Variants in LARGE1 observed in about 807,000 individuals in gnomAD.
The protein encoded by LARGE1 is xylosyl- and glucuronyltransferase LARGE1.
A neutral mutation model predicts 87.6 loss-of-function variants in LARGE1; 43 were observed. The observed-to-expected ratio is 0.49, with a 90% confidence interval of 0.38 to 0.63. LARGE1 has a LOEUF of 0.63. Among genes scored for constraint, LARGE1 ranks in the 30% least tolerant of loss-of-function variants. The pLI, the probability that LARGE1 is intolerant of heterozygous loss-of-function variation, is 0.00. For missense variants in LARGE1, 802 were observed against 1,000.2 expected (o/e 0.80, Z 2.67); for synonymous variants, 434 against 394.6 (o/e 1.10, Z -1.18).
At position 33,411,060 on chromosome 22, in the gene LARGE1, A is replaced by T. The variant is rs367801422; in HGVS notation, c.892+21101T>A. On this transcript the variant is annotated intron_variant, in intron 7 of 14. Transcript: ENST00000397394. ...TCCTTCCTTCTTTCCCTTCTACTGC[A>T]CACTGAACCATACAGGTGTCTGGAT... Among the ~76,000 whole-genome samples, 55 of 152,286 alleles carry T rather than the reference A, an allele frequency of 3.6e-4. 1 individual carries two copies. The South Asian group carries it at 0.011, about 30-fold the overall frequency.
At chr22:33,417,966 G>T (rs2066561099) in intron 7 of LARGE1, among the ~76,000 whole-genome samples, 1 of 150,526 alleles carries the variant, frequency 6.6e-6, no homozygotes, top group South Asian at 2.1e-4. Flanking sequence ...TCTTTTTTTT[G>T]AGACAGAGTC....
At chr22:33,724,443 G>A (rs1293502047) in intron 2 of LARGE1, among the ~76,000 whole-genome samples, 2 of 152,118 alleles carry the variant, frequency 1.3e-5, no homozygotes, top group African/African-American at 4.8e-5. Context: ...AGGTGGAAGT[G>A]GGAATCCCTG....
chr22:33,379,826 C>T (rs1032877432), intron 9 of LARGE1, among the ~76,000 whole-genome samples: 2 of 152,166 alleles, frequency 1.3e-5, no homozygotes, highest in African/African-American at 2.4e-5. Context: ...TCTAAGACAC[C>T]TCATTAGCAT....
chr22:33,851,557 G>A (rs993024992), intron 1 of LARGE1, among the ~76,000 whole-genome samples: 3 of 152,266 alleles, frequency 2.0e-5, no homozygotes, highest in South Asian at 2.1e-4. Context: ...TTCACCAAGC[G>A]ACTATGCCAC....
chr22:33,324,253 A>C (rs1414539560), intron 10 of LARGE1, among the ~76,000 whole-genome samples: 6 of 55,294 alleles, frequency 1.1e-4, no homozygotes, highest in South Asian at 7.4e-4. Flanking sequence ...AAAAAAAAAA[A>C]AAAAAGCCAA....
At chr22:33,311,286 T>C (rs1007955661) in intron 11 of LARGE1, among the ~76,000 whole-genome samples, 26 of 152,274 alleles carry the variant, frequency 1.7e-4, no homozygotes, top group African/African-American at 6.3e-4. Context: ...ATGCACTGTG[T>C]CTGCAGCCCA....
intron 5 of LARGE1, among the ~76,000 whole-genome samples, chr22:33,598,545 C>T (rs1213903137): frequency 6.6e-6 from 1 of 152,016 alleles, no homozygotes; most frequent in African/African-American, 2.4e-5. Context: ...CCTGACAGGC[C>T]CCAGTGTGTG....
the LARGE1 span, among the ~76,000 whole-genome samples, chr22:33,149,040 CTTTTTTT>C: frequency 2.2e-5 from 3 of 136,932 alleles, no homozygotes; most frequent in African/African-American, 5.3e-5. Context: ...TTCTTTTTTT[CTTTTTTT>C]TTTTTTTTGA....
At chr22:33,808,083 G>A (rs967724193) in intron 1 of LARGE1, among the ~76,000 whole-genome samples, 1 of 152,216 alleles carries the variant, frequency 6.6e-6, no homozygotes, top group Non-Finnish European at 1.5e-5. Context: ...TTGCCAAACT[G>A]TCTTCCAAAG....
rs190814959 is a variant in LARGE1, at chr22:33,842,373, T to C, written c.-83+77622A>G. Reference sequence around the variant, plus strand: ...GCCATTGTCTGCTTAATAAAACTAGTAGCTCTGCTGGCTTAGAGGGGAAAT... The same window carrying C: ...GCCATTGTCTGCTTAATAAAACTAGCAGCTCTGCTGGCTTAGAGGGGAAAT... On this transcript the variant is annotated intron_variant, in intron 1 of 14. Coordinates refer to ENST00000397394, the MANE Select transcript of LARGE1 (RefSeq NM_133642.5). Among the ~76,000 whole-genome samples, 295 of 152,322 alleles carry C rather than the reference T, an allele frequency of 1.9e-3. 1 individual carries two copies. Among genetic ancestry groups the C allele is most frequent in the Middle Eastern group, 0.014 (4 of 294 alleles).
chr22:33,605,373 C>T (rs544202319), intron 4 of LARGE1, among the ~76,000 whole-genome samples: 3 of 152,112 alleles, frequency 2.0e-5, no homozygotes, highest in Admixed American at 1.3e-4. Context: ...AGGAGCATTA[C>T]GCAAGGGCAA....
At chr22:33,776,587 G>C (rs537965572) in intron 1 of LARGE1, among the ~76,000 whole-genome samples, 1 of 152,080 alleles carries the variant, frequency 6.6e-6, no homozygotes, top group Non-Finnish European at 1.5e-5. Flanking sequence ...GGAGTATTTC[G>C]ATCTTTGTTC....
At chr22:33,748,741 C>A (rs1022361569) in intron 2 of LARGE1, among the ~76,000 whole-genome samples, 1 of 152,230 alleles carries the variant, frequency 6.6e-6, no homozygotes. Flanking sequence ...AAAGTTCTCA[C>A]TACAGGTCAT....
the LARGE1 span, among the ~76,000 whole-genome samples, chr22:33,110,906 A>G: frequency 7.9e-5 from 12 of 152,280 alleles, no homozygotes; most frequent in African/African-American, 2.9e-4. Context: ...TATCGCTTAG[A>G]TAATAAAAAC....
At chr22:33,288,116 G>A (rs867158788) in intron 12 of LARGE1, among the ~76,000 whole-genome samples, 6 of 152,300 alleles carry the variant, frequency 3.9e-5, no homozygotes, top group Middle Eastern at 3.4e-3. Context: ...AGGCTATGGC[G>A]CCCAGTTACT....
At chr22:33,069,931 TCA>T in the LARGE1 span, among the ~76,000 whole-genome samples, 1 of 152,152 alleles carries the variant, frequency 6.6e-6, no homozygotes, top group South Asian at 2.1e-4. Context: ...TTCAAACTAT[TCA>T]CCTGCCTCAG....
chr22:33,235,861 A>T (rs1926224793), intron 11 of LARGE1, among the ~76,000 whole-genome samples: 1 of 152,148 alleles, frequency 6.6e-6, no homozygotes, highest in South Asian at 2.1e-4. Flanking sequence ...TAAAATTTAT[A>T]TTTGCCCAGA....
intron 2 of LARGE1, among the ~76,000 whole-genome samples, chr22:33,752,214 C>T (rs2084344555): frequency 6.6e-6 from 1 of 152,024 alleles, no homozygotes; most frequent in African/African-American, 2.4e-5. Flanking sequence ...GGGTGTATTG[C>T]TAGGGGTAGA....
chr22:33,866,465 C>T (rs2064107941), intron 1 of LARGE1, among the ~76,000 whole-genome samples: 1 of 152,166 alleles, frequency 6.6e-6, no homozygotes, highest in Non-Finnish European at 1.5e-5. Context: ...GAGAGCAGTT[C>T]CATCCTGCAG....
Sources: allele counts gnomAD v4.1 joint callset (sites outside exome capture counted in the v4.1 genomes callset), GRCh38; gene constraint gnomAD v4.1.1; transcripts MANE v1.5; gene names NCBI Gene and HGNC (gene_info 2026-07-23, HGNC 2026-07-21).